Variants in SLC15A5 observed in about 807,000 individuals in gnomAD.
SLC15A5 encodes Peptide/histidine transporter ENSP00000340402.
In SLC15A5, 58 loss-of-function variants were observed where a neutral mutation model predicts 56.1. The ratio of observed to expected loss-of-function variants is 1.03; its 90% CI spans 0.84 to 1.29. The LOEUF is 1.29. Among genes scored for constraint, SLC15A5 ranks in the 50% most tolerant of loss-of-function variants. SLC15A5 has a pLI of 0.00. For synonymous variants in SLC15A5, 264 were observed against 250.5 expected, an observed-to-expected ratio of 1.05 and a Z score of -0.51; for missense variants, 681 against 672.1, an observed-to-expected ratio of 1.01 and a Z score of -0.15.
intron 7 of SLC15A5, among the ~76,000 whole-genome samples, chr12:16,204,152 T>C (rs1863990290): frequency 6.6e-6 from 1 of 152,086 alleles, no homozygotes; most frequent in Non-Finnish European, 1.5e-5. Flanking sequence ...ACTCATTTTA[T>C]TAAAATAAAA....
intron 5 of SLC15A5, among the ~76,000 whole-genome samples, chr12:16,226,289 T>C (rs1864240822): frequency 6.6e-6 from 1 of 152,184 alleles, no homozygotes; most frequent in Admixed American, 6.5e-5. Flanking sequence ...AGTCTGTACA[T>C]GTTCAATACA....
At chr12:16,191,390 T>C (rs887715966) in intron 8 of SLC15A5, among the ~76,000 whole-genome samples, 3 of 152,030 alleles carry the variant, frequency 2.0e-5, no homozygotes, top group African/African-American at 7.2e-5. Context: ...TCATAATTAA[T>C]ACACTGTCCT....
chr12:16,227,589 G>C (rs904045538), intron 5 of SLC15A5, among the ~76,000 whole-genome samples: 1 of 152,176 alleles, frequency 6.6e-6, no homozygotes, highest in African/African-American at 2.4e-5. Context: ...AAGGGACAGC[G>C]TTGTGAAAGC....
rs117547002 is a variant in SLC15A5 at position 16,273,104 on chromosome 12, A to C, written c.362-321T>G. 9.9e-3 allele frequency among the ~76,000 whole-genome samples: 1,504 copies of C among 152,214 alleles called. 13 individuals carry two copies. The highest frequency in any genetic ancestry group is 0.016 in the Non-Finnish European group (1,107 of 67,992). On this transcript the variant is annotated intron_variant, in intron 1 of 8. Coordinates refer to ENST00000344941, the MANE Select transcript of SLC15A5 (RefSeq NM_001170798.1). ...ATAACTCAGGAAAGCATTGTATAAA[A>C]AATGAAGCTGTTAGTATTCCCACCC...
chr12:16,193,754 C>CAAGT (rs1863861428), intron 8 of SLC15A5, among the ~76,000 whole-genome samples: 2 of 139,384 alleles, frequency 1.4e-5, no homozygotes, highest in Admixed American at 7.6e-5. Context: ...CTCAAAAGTA[C>CAAGT]ACAGCTGTCC....
At chr12:16,202,535 G>A (rs952322502) in intron 7 of SLC15A5, among the ~76,000 whole-genome samples, 2 of 152,038 alleles carry the variant, frequency 1.3e-5, no homozygotes, top group Non-Finnish European at 2.9e-5. Context: ...GCAGTATGGC[G>A]GTACCTCAGT....
intron 4 of SLC15A5, among the ~76,000 whole-genome samples, chr12:16,242,953 A>G (rs1798681): frequency 1 from 151,585 of 152,296 alleles, 75,442 homozygotes; most frequent in Middle Eastern, 1. Context: ...TACTGCTATT[A>G]TAGAGTCAAG....
At chr12:16,202,315 A>C (rs1863966307) in intron 7 of SLC15A5, among the ~76,000 whole-genome samples, 1 of 152,202 alleles carries the variant, frequency 6.6e-6, no homozygotes, top group African/African-American at 2.4e-5. Context: ...TCCTAGAAGA[A>C]GACATACAAA....
intron 1 of SLC15A5, among the ~76,000 whole-genome samples, chr12:16,273,922 T>C (rs1864789655): frequency 6.7e-6 from 1 of 148,990 alleles, no homozygotes. Flanking sequence ...ATTTTAAAAA[T>C]ATTTATATTT....
rs1433181757 is a variant in SLC15A5, at chr12:16,271,714, AT to A, written c.584+846del. On this transcript the variant is annotated intron_variant, in intron 2 of 8. Transcript: ENST00000344941. This position sits in a 1 kb window ranked among gnomAD's most constrained non-coding sequence, Gnocchi z 8.0. ...ACATCTGTTTGACATCCACTGATAG[AT>A]AACAAAGAATAACAAAGAAGTTTTA... 6.6e-6 allele frequency among the ~76,000 whole-genome samples: 1 copy of A among 152,212 alleles called. No homozygotes were observed. The highest frequency in any genetic ancestry group is 6.6e-5 in the Admixed American group (1 of 15,266).
chr12:16,260,500 G>A (rs1292798881), intron 2 of SLC15A5, among the ~76,000 whole-genome samples: 2 of 151,104 alleles, frequency 1.3e-5, no homozygotes, highest in African/African-American at 4.9e-5. Flanking sequence ...TTTTTTATTG[G>A]GTAGTTTCTT....
intron 5 of SLC15A5, among the ~76,000 whole-genome samples, chr12:16,234,444 C>T (rs565793125): frequency 6.6e-6 from 1 of 152,312 alleles, no homozygotes; most frequent in East Asian, 1.9e-4. Context: ...AACTAACTTT[C>T]TTAAAATTTA....
intron 3 of SLC15A5, among the ~76,000 whole-genome samples, chr12:16,253,538 G>A (rs1463859783): frequency 6.6e-6 from 1 of 152,028 alleles, no homozygotes; most frequent in African/African-American, 2.4e-5. Context: ...CACATGAAAA[G>A]ATGCTCAACA....
chr12:16,261,868 A>G (rs1180403049), intron 2 of SLC15A5, among the ~76,000 whole-genome samples: 1 of 152,128 alleles, frequency 6.6e-6, no homozygotes, highest in Admixed American at 6.6e-5. Context: ...TTCTGTCCTT[A>G]TGTATTCTGG....
chr12:16,194,413 T>G lies in SLC15A5; in HGVS notation c.1524A>C (p.Glu508Asp). ...FPNTLNKGNL[E>D]SFFFFLASLT... is the part of the protein sequence containing the mutation. ...ATGATGCCAGGAAGAAGAAGAAGCT[T>G]TCTAAATTGCCTTTGTTTAATGTGT... is the stretch of plus-strand genomic sequence containing the variant. The change falls in exon 8 of 9, where the codon GAA (glutamate) becomes GAC (aspartate). Residue 508 changes from glutamate to aspartate, a missense_variant. By Grantham distance (45) the Glu-to-Asp change is conservative. Transcript: ENST00000344941. The G allele has an allele frequency of 6.5e-7, 1 of 1,535,286 alleles. No homozygotes were observed. The highest frequency in any genetic ancestry group is 1.7e-4 in the Middle Eastern group (1 of 5,974).
intron 7 of SLC15A5, among the ~76,000 whole-genome samples, chr12:16,212,949 T>C (rs1443953219): frequency 6.6e-6 from 1 of 152,040 alleles, no homozygotes; most frequent in African/African-American, 2.4e-5. Context: ...TCCTGAAAAT[T>C]AAAAAAAGTT....
Position 16,188,922 on chromosome 12 carries a change from A to G in SLC15A5, c.*746T>C, listed in dbSNP as rs949291494. On this transcript the variant is annotated 3_prime_UTR_variant, in exon 9 of 9. Coordinates refer to ENST00000344941, the MANE Select transcript of SLC15A5 (RefSeq NM_001170798.1). ...CTGAATTGGCAGTGGAGACCGAAAG[A>G]TGTTATTCATATAATTCCTTTAAGC... 3 of 152,216 alleles carry G rather than the reference A, an allele frequency of 2.0e-5. No homozygotes were observed. Among genetic ancestry groups the G allele is most frequent in the African/African-American group, 7.2e-5 (3 of 41,470 alleles). The allele number at this position is 152,216 out of a possible 1,614,324, so 9.4% of individuals were successfully genotyped here.
At chr12:16,270,645 C>T (rs926384975) in intron 2 of SLC15A5, among the ~76,000 whole-genome samples, 2 of 152,086 alleles carry the variant, frequency 1.3e-5, no homozygotes, top group Non-Finnish European at 2.9e-5. Flanking sequence ...AAGATATTCC[C>T]ACTTTGTGGA....
intron 4 of SLC15A5, among the ~76,000 whole-genome samples, chr12:16,242,872 A>T (rs911281743): frequency 1.3e-5 from 2 of 152,188 alleles, no homozygotes; most frequent in African/African-American, 2.4e-5. Context: ...GGTTCCTCCA[A>T]TCTAAGATGT....
Sources: allele counts gnomAD v4.1 joint callset (sites outside exome capture counted in the v4.1 genomes callset), GRCh38; gene constraint gnomAD v4.1.1; non-coding constraint Gnocchi (gnomAD v3.1); transcripts MANE v1.5; gene names NCBI Gene and HGNC (gene_info 2026-07-23, HGNC 2026-07-21).